The following WBP1L variants were observed in gnomAD, a reference collection of about 807,000 sequenced individuals.
WBP1L encodes the protein WW domain binding protein 1-like.
WBP1L carries 17 observed loss-of-function variants against 33.7 expected under a neutral mutation model. That is an observed-to-expected ratio of 0.50 (90% CI 0.34 to 0.76). The LOEUF (loss-of-function observed/expected upper bound fraction) is 0.76, where lower values mean the gene tolerates loss of function less well. Among genes scored for constraint, WBP1L ranks in the 30% least tolerant of loss-of-function variants. WBP1L has a pLI of 0.01. For missense variants in WBP1L, 389 were observed against 469.4 expected, an observed-to-expected ratio of 0.83 and a Z score of 1.58; for synonymous variants, 173 against 190.8, an observed-to-expected ratio of 0.91 and a Z score of 0.77.
intron 2 of WBP1L, among the ~76,000 whole-genome samples, chr10:102,804,387 C>CAA (rs10710280): frequency 1.2e-4 from 9 of 74,576 alleles, no homozygotes; most frequent in African/African-American, 2.7e-4. Context: ...GACCCTGTCT[C>CAA]AAAAAAAAAA....
At chr10:102,759,963 A>C (rs943648520) in intron 1 of WBP1L, among the ~76,000 whole-genome samples, 1 of 152,182 alleles carries the variant, frequency 6.6e-6, no homozygotes, top group African/African-American at 2.4e-5. Context: ...AAGCAGCTGC[A>C]CCATTTTACA....
At position 102,812,736 on chromosome 10, in the gene WBP1L, C is replaced by T. The variant is rs757152067; in HGVS notation, c.497C>T (p.Pro166Leu). The stretch of plus-strand genomic sequence containing the variant: ...TGTGGCCCTGCAGGTGGCAGTCCCC[C>T]GGGCATCGATCCCACCAGGGGATCC... Reference protein sequence around the residue: ...PQCGPAGGSPPGIDPTRGSQG... With the variant: ...PQCGPAGGSPLGIDPTRGSQG... Residue 166 changes from proline to leucine, a missense_variant, in exon 4 of 4, where the codon CCG (proline) becomes CTG (leucine). Physicochemically the swap from Pro to Leu is moderately conservative, Grantham distance 98. Transcript: ENST00000448841. 13 of 1,613,912 alleles carry T rather than the reference C, an allele frequency of 8.1e-6. No individual in the cohort carries two copies. The highest frequency in any genetic ancestry group is 2.2e-5 in the East Asian group (1 of 44,864).
intron 1 of WBP1L, among the ~76,000 whole-genome samples, chr10:102,760,595 C>T (rs1048054816): frequency 9.2e-5 from 14 of 151,872 alleles, no homozygotes; most frequent in Admixed American, 5.9e-4. Context: ...AGGCTAGTCT[C>T]GAACTCCTGA....
intron 1 of WBP1L, among the ~76,000 whole-genome samples, chr10:102,793,466 A>C (rs1282452006): frequency 1.3e-5 from 2 of 152,136 alleles, no homozygotes; most frequent in African/African-American, 4.8e-5. Context: ...TAAATAGTAA[A>C]AGCATAGGAT....
chr10:102,774,370 C>G (rs1843229737), intron 1 of WBP1L, among the ~76,000 whole-genome samples: 1 of 152,102 alleles, frequency 6.6e-6, no homozygotes, highest in Admixed American at 6.6e-5. Flanking sequence ...TTCCCAGTCC[C>G]CAAACACCGG....
chr10:102,813,240 C>T lies in WBP1L; in HGVS notation c.1001C>T (p.Pro334Leu), dbSNP rs761880948. Reference sequence around the variant, plus strand: ...GAGCAGGCTCGAGAGCCTGGGCACCCGCACCTGCCACGGCCGCCCGCATGC... The same window carrying T: ...GAGCAGGCTCGAGAGCCTGGGCACCTGCACCTGCCACGGCCGCCCGCATGC... ...SEEQAREPGH[P>L]HLPRPPACLL... The change falls in exon 4 of 4, where the codon CCG (proline) becomes CTG (leucine). Residue 334 changes from proline (P) to leucine (L), a missense_variant. Transcript: ENST00000448841. The T allele has an allele frequency of 2.7e-5, 43 of 1,612,436 alleles. No homozygotes were observed. In the African/African-American group the frequency reaches 3.1e-4, roughly 12 times the overall value.
At chr10:102,778,044 C>T (rs1199258980) in intron 1 of WBP1L, among the ~76,000 whole-genome samples, 2 of 152,148 alleles carry the variant, frequency 1.3e-5, no homozygotes, top group African/African-American at 4.8e-5. Context: ...GCGTTCATAT[C>T]CCAGCTTCCC....
At chr10:102,808,559 C>T (rs1843774901) in intron 2 of WBP1L, among the ~76,000 whole-genome samples, 1 of 152,182 alleles carries the variant, frequency 6.6e-6, no homozygotes, top group Non-Finnish European at 1.5e-5. Flanking sequence ...AATGGCCCTG[C>T]ATCTACTGCA....
At chr10:102,794,081 C>T (rs777499969) in intron 1 of WBP1L, among the ~76,000 whole-genome samples, 1 of 152,072 alleles carries the variant, frequency 6.6e-6, no homozygotes, top group Non-Finnish European at 1.5e-5. Flanking sequence ...CCAGCGAACT[C>T]TTAACTACTT....
intron 1 of WBP1L, among the ~76,000 whole-genome samples, chr10:102,762,582 T>C (rs1843055198): frequency 6.6e-6 from 1 of 152,216 alleles, no homozygotes; most frequent in Non-Finnish European, 1.5e-5. Flanking sequence ...CAAAACTTGG[T>C]CTTTCATTTT....
chr10:102,768,735 T>C (rs1450079520), intron 1 of WBP1L, among the ~76,000 whole-genome samples: 1 of 145,080 alleles, frequency 6.9e-6, no homozygotes, highest in African/African-American at 2.6e-5. Context: ...TCCCCCAGGC[T>C]GGAGTGCAGT....
At chr10:102,811,692 G>A (rs1260113632) in intron 3 of WBP1L, among the ~76,000 whole-genome samples, 1 of 152,070 alleles carries the variant, frequency 6.6e-6, no homozygotes, top group Non-Finnish European at 1.5e-5. Flanking sequence ...TGTATTTTTA[G>A]TAGAGATGGG....
Position 102,813,549 on chromosome 10 carries a change from T to C in WBP1L, c.*218T>C, listed in dbSNP as rs1456133766. On this transcript the variant is annotated 3_prime_UTR_variant, in exon 4 of 4. Transcript: ENST00000448841. ...ACAAGGGCACAGTGTTGTGGAGGGC[T>C]AAGTTGGTTCTGTGACTCATTCCTC... 3.2e-6 allele frequency: 2 copies of C among 630,138 alleles called. No individual in the cohort carries two copies. The highest frequency in any genetic ancestry group is 2.8e-5 in the East Asian group (1 of 35,618). 39.0% of individuals were successfully genotyped at this position (630,138 alleles called of 1,614,324 possible). A position where few individuals can be genotyped will look rare whatever the true frequency, so the allele number is the denominator to read the frequency against.
intron 1 of WBP1L, among the ~76,000 whole-genome samples, chr10:102,749,649 C>T (rs1469796275): frequency 1.3e-5 from 2 of 150,366 alleles, no homozygotes; most frequent in East Asian, 4.0e-4. Flanking sequence ...TTTTATAGAG[C>T]AGAAGTCTCA....
rs200537276 is a variant in WBP1L, at chr10:102,812,986, T to A, written c.747T>A (p.Ser249=). The change falls in exon 4 of 4, where the codon TCT becomes TCA. Residue 249 remains serine (S), a synonymous_variant. Transcript: ENST00000448841. ...AGGAGCTGCTGAAAGATGACAGCTC[T>A]GAACACGGCGCACCCGACAGCAAAG... is the stretch of plus-strand genomic sequence containing the variant. ...CREELLKDDS[S]EHGAPDSKEK... The A allele has an allele frequency of 7.4e-6, 12 of 1,613,280 alleles. No individual in the cohort carries two copies. In the South Asian group the frequency reaches 8.8e-5, roughly 12 times the overall value.
intron 1 of WBP1L, among the ~76,000 whole-genome samples, chr10:102,788,623 T>C (rs148046843): frequency 2.0e-5 from 3 of 152,338 alleles, no homozygotes; most frequent in East Asian, 3.9e-4. Context: ...AATGTCTGCT[T>C]TATGAAAACT....
chr10:102,809,619 C>T (rs1235413830), intron 2 of WBP1L, among the ~76,000 whole-genome samples: 1 of 152,222 alleles, frequency 6.6e-6, no homozygotes, highest in Non-Finnish European at 1.5e-5. Flanking sequence ...GTGATCCACC[C>T]ATCTTGGCCT....
intron 1 of WBP1L, among the ~76,000 whole-genome samples, chr10:102,773,523 CA>C (rs1243779768): frequency 8.6e-6 from 1 of 115,998 alleles, no homozygotes; most frequent in African/African-American, 3.8e-5. Context: ...TGTATTTTTA[CA>C]AGTTTTTTTT....
intron 1 of WBP1L, among the ~76,000 whole-genome samples, chr10:102,748,403 G>C (rs1842890352): frequency 6.6e-6 from 1 of 152,090 alleles, no homozygotes; most frequent in Admixed American, 6.6e-5. Flanking sequence ...TTTTCAGTCT[G>C]GAAGCCCTAC....
Sources: gnomAD v4.1 joint callset for allele counts (sites outside exome capture counted in the v4.1 genomes callset) on GRCh38, gnomAD v4.1.1 for gene constraint, MANE v1.5 for transcripts, NCBI Gene and HGNC (gene_info 2026-07-23, HGNC 2026-07-21) for gene names.